GNA12: variants seen among roughly 807,000 people sequenced by gnomAD.
GNA12 encodes the protein guanine nucleotide-binding protein subunit alpha-12.
A neutral mutation model predicts 26.0 loss-of-function variants in GNA12; 9 were observed. The ratio of observed to expected loss-of-function variants is 0.35; its 90% CI spans 0.21 to 0.60. The LOEUF (loss-of-function observed/expected upper bound fraction) is 0.60. Ranked by LOEUF, GNA12 falls within the 20% of genes least tolerant of loss-of-function variation. GNA12 has a pLI of 0.78. For synonymous variants in GNA12, 264 were observed against 219.6 expected (o/e 1.20, Z -1.79); for missense variants, 405 against 525.8 (o/e 0.77, Z 2.25).
chr7:2,779,744 T>G (rs1036025085), intron 2 of GNA12, among the ~76,000 whole-genome samples: 1 of 151,836 alleles, frequency 6.6e-6, no homozygotes, highest in East Asian at 1.9e-4. Flanking sequence ...ATTACAGACA[T>G]GTACCACCAC....
At chr7:2,838,926 C>T (rs1223810028) in intron 1 of GNA12, among the ~76,000 whole-genome samples, 1 of 152,166 alleles carries the variant, frequency 6.6e-6, no homozygotes, top group South Asian at 2.1e-4. Flanking sequence ...AAGAAATAGA[C>T]AAATCCACAA....
At chr7:2,788,890 T>C (rs1026826525) in intron 2 of GNA12, among the ~76,000 whole-genome samples, 1 of 151,762 alleles carries the variant, frequency 6.6e-6, no homozygotes, top group Non-Finnish European at 1.5e-5. Flanking sequence ...GCGTGATCTC[T>C]GCTCACTGCA....
chr7:2,804,679 C>T (rs959374781), intron 1 of GNA12, among the ~76,000 whole-genome samples: 4 of 152,176 alleles, frequency 2.6e-5, no homozygotes, highest in Non-Finnish European at 4.4e-5. Context: ...TAAACATATT[C>T]TTGGCCCATT....
chr7:2,791,655 G>A (rs534354949), intron 2 of GNA12, among the ~76,000 whole-genome samples: 1 of 152,040 alleles, frequency 6.6e-6, no homozygotes, highest in Non-Finnish European at 1.5e-5. Flanking sequence ...AAAAAACAAG[G>A]TGATGAAGCA....
chr7:2,786,178 C>T (rs1445681703), intron 2 of GNA12, among the ~76,000 whole-genome samples: 1 of 152,220 alleles, frequency 6.6e-6, no homozygotes, highest in Non-Finnish European at 1.5e-5. Flanking sequence ...ACTACATGCA[C>T]ACGCTCACCA....
intron 2 of GNA12, among the ~76,000 whole-genome samples, chr7:2,754,070 C>T (rs1056341937): frequency 6.6e-6 from 1 of 152,158 alleles, no homozygotes; most frequent in Non-Finnish European, 1.5e-5. Flanking sequence ...ACGGTTGTAC[C>T]CTTTTACCTC....
chr7:2,838,548 C>T (rs764632841), intron 1 of GNA12, among the ~76,000 whole-genome samples: 31 of 152,098 alleles, frequency 2.0e-4, no homozygotes, highest in Admixed American at 5.2e-4. Context: ...CGTGCCACTG[C>T]GCTTCAGCCT....
intron 1 of GNA12, among the ~76,000 whole-genome samples, chr7:2,826,389 A>AC (rs1333601627): frequency 4.6e-5 from 7 of 151,666 alleles, no homozygotes; most frequent in African/African-American, 1.7e-4. Flanking sequence ...AAAAAAAAAA[A>AC]AAAAAACCAA....
intron 1 of GNA12, among the ~76,000 whole-genome samples, chr7:2,807,598 A>C (rs1275736913): frequency 1.3e-5 from 2 of 151,912 alleles, no homozygotes; most frequent in East Asian, 3.9e-4. Context: ...AAAAAAAAAA[A>C]CCTAGCCAGG....
intron 1 of GNA12, among the ~76,000 whole-genome samples, chr7:2,810,103 G>A (rs1259457824): frequency 2.0e-5 from 3 of 152,202 alleles, no homozygotes; most frequent in African/African-American, 4.8e-5. Context: ...TTTCAGGTTC[G>A]CTGCATGTGT....
chr7:2,750,307 A>C (rs1790971300), intron 2 of GNA12, among the ~76,000 whole-genome samples: 1 of 152,208 alleles, frequency 6.6e-6, no homozygotes, highest in African/African-American at 2.4e-5. Context: ...AGACAGGCAA[A>C]TGCAGAGAAT....
chr7:2,786,743 A>G (rs945506352), intron 2 of GNA12, among the ~76,000 whole-genome samples: 7 of 152,192 alleles, frequency 4.6e-5, no homozygotes, highest in African/African-American at 1.7e-4. Context: ...ACAGACCGGG[A>G]CTGATGCTGT....
At chr7:2,787,331 T>G (rs1374976739) in intron 2 of GNA12, among the ~76,000 whole-genome samples, 1 of 152,170 alleles carries the variant, frequency 6.6e-6, no homozygotes, top group Non-Finnish European at 1.5e-5. Context: ...TATTTAAGTG[T>G]CAGTCAAACC....
chr7:2,802,513 A>G, intron 1 of GNA12, among the ~76,000 whole-genome samples: 1 of 152,122 alleles, frequency 6.6e-6, no homozygotes, highest in Non-Finnish European at 1.5e-5. Context: ...ATCTTTTAAG[A>G]TTAGTCATTC....
rs1244801742 is a variant in GNA12, at chr7:2,731,018, T to G, written c.*163A>C. On this transcript the variant is annotated 3_prime_UTR_variant, in exon 4 of 4. Coordinates refer to ENST00000275364, the MANE Select transcript of GNA12 (RefSeq NM_007353.3). The surrounding 1 kb of genome is among the most constrained non-coding windows in gnomAD (Gnocchi z 6.0). ...GTGACAGTTTCCATGTCCTTTTGCCTAGAGCTCGCTGGCTGGCTGGTCTGA... is the reference window on the plus strand; with the variant it reads ...GTGACAGTTTCCATGTCCTTTTGCCGAGAGCTCGCTGGCTGGCTGGTCTGA... The G allele has an allele frequency of 1.8e-6, 1 of 567,104 alleles. No homozygotes were observed. Among genetic ancestry groups the G allele is most frequent in the Non-Finnish European group, 3.1e-6 (1 of 317,860 alleles). 35.1% of individuals were successfully genotyped at this position (567,104 alleles called of 1,614,324 possible).
chr7:2,806,212 C>T (rs953822645), intron 1 of GNA12, among the ~76,000 whole-genome samples: 1 of 152,124 alleles, frequency 6.6e-6, no homozygotes, highest in African/African-American at 2.4e-5. Flanking sequence ...GGGGCGGTGG[C>T]TCACGCCTGT....
At chr7:2,814,393 C>T (rs1185621307) in intron 1 of GNA12, 4 of 1,546,444 alleles carry the variant, frequency 2.6e-6, no homozygotes, top group African/African-American at 1.4e-5. Flanking sequence ...CCGAACCCTG[C>T]AAGTCAACAT....
intron 1 of GNA12, among the ~76,000 whole-genome samples, chr7:2,801,090 T>C (rs1470358753): frequency 1.3e-5 from 2 of 152,042 alleles, no homozygotes; most frequent in African/African-American, 4.8e-5. Context: ...CTCTCCATCA[T>C]CCAGGCAGAT....
rs4208 is a variant in GNA12 at position 2,728,721 on chromosome 7, A to ATG, written c.*2458_*2459dup. ...CTGGAGACAAAACTGACTAGAGTCT[A>ATG]TGTGTAGCCAAGTTGTGAATGACAG... On this transcript the variant is annotated 3_prime_UTR_variant, in exon 4 of 4. Transcript: ENST00000275364. The ATG allele has an allele frequency of 0.17, 26,274 of 152,500 alleles. 2,311 individuals carry two copies. The highest frequency in any genetic ancestry group is 0.2 in the Non-Finnish European group (13,517 of 67,982). 9.4% of individuals were successfully genotyped at this position (152,500 alleles called of 1,614,324 possible).
Sources: gnomAD v4.1 joint callset for allele counts (sites outside exome capture counted in the v4.1 genomes callset) on GRCh38, gnomAD v4.1.1 for gene constraint, Gnocchi (gnomAD v3.1) non-coding constraint, MANE v1.5 for transcripts, NCBI Gene and HGNC (gene_info 2026-07-23, HGNC 2026-07-21) for gene names.